The following CXCL13 variants were observed in gnomAD, a reference collection of about 807,000 sequenced individuals.
CXCL13 encodes the protein C-X-C motif chemokine ligand 13.
In CXCL13, 7 loss-of-function variants were observed where a neutral mutation model predicts 12.2. That is an observed-to-expected ratio of 0.57 (90% CI 0.33 to 1.07). The LOEUF (loss-of-function observed/expected upper bound fraction) is 1.07. CXCL13 is among the 50% of genes least tolerant of loss of function. The pLI, the probability that CXCL13 is intolerant of heterozygous loss-of-function variation, is 0.04. For missense variants in CXCL13, 113 were observed against 127.4 expected (o/e 0.89, Z 0.55); for synonymous variants, 47 against 42.4 (o/e 1.11, Z -0.42).
intron 1 of CXCL13, among the ~76,000 whole-genome samples, chr4:77,590,901 A>T (rs1445580389): frequency 6.6e-6 from 1 of 152,216 alleles, no homozygotes; most frequent in African/African-American, 2.4e-5. Flanking sequence ...ATTTATTGAG[A>T]TGGAGTCTCA....
rs535227074 is a variant in CXCL13 at position 77,534,292 on chromosome 4, A to T, written c.-43+22504A>T. Reference sequence around the variant, plus strand: ...ACTATGTTCACACAAAAACCTGCACATGGATGTTTCTAATAGCTTCATTTG... The same window carrying T: ...ACTATGTTCACACAAAAACCTGCACTTGGATGTTTCTAATAGCTTCATTTG... On this transcript the variant is annotated intron_variant, in intron 1 of 4. Coordinates refer to the CXCL13 transcript ENST00000286758. Among the ~76,000 whole-genome samples the T allele has an allele frequency of 2.0e-5, 3 of 152,342 alleles. No individual in the cohort carries two copies. The East Asian group carries it at 5.8e-4, about 29-fold the overall frequency.
upstream of CXCL13, among the ~76,000 whole-genome samples, chr4:77,601,601 A>G (rs1212522950): frequency 6.6e-6 from 1 of 152,240 alleles, no homozygotes; most frequent in African/African-American, 2.4e-5. Flanking sequence ...CTATGTGCCT[A>G]CTGGAAACCT....
upstream of CXCL13, among the ~76,000 whole-genome samples, chr4:77,601,318 A>G (rs1012802436): frequency 1.3e-4 from 20 of 152,232 alleles, no homozygotes; most frequent in African/African-American, 3.9e-4. Flanking sequence ...TGCACTGTCC[A>G]AACTCATCCA....
intron 1 of CXCL13, among the ~76,000 whole-genome samples, chr4:77,542,895 G>A (rs766533706): frequency 2.6e-5 from 4 of 152,120 alleles, no homozygotes; most frequent in Non-Finnish European, 4.4e-5. Flanking sequence ...AGTTAGGAAG[G>A]AATCTCTCCT....
intron 1 of CXCL13, among the ~76,000 whole-genome samples, chr4:77,515,819 C>T (rs996508170): frequency 3.3e-5 from 5 of 152,194 alleles, no homozygotes; most frequent in African/African-American, 4.8e-5. Context: ...TGACTAATTG[C>T]CCTGGCCAGA....
chr4:77,549,906 G>A lies in CXCL13; in HGVS notation c.-43+38118G>A, dbSNP rs139976863. Reference sequence around the variant, plus strand: ...GACTGGGACGTTTAAGTCTGCAGAAGTTTCTGTTGCCTTTTATTCAGCTAT... The same window carrying A: ...GACTGGGACGTTTAAGTCTGCAGAAATTTCTGTTGCCTTTTATTCAGCTAT... On this transcript the variant is annotated intron_variant, in intron 1 of 4. Transcript: ENST00000286758. Among the ~76,000 whole-genome samples the A allele has an allele frequency of 7.6e-3, 1,163 of 152,340 alleles. 22 individuals are homozygous for A. The highest frequency in any genetic ancestry group is 0.027 in the East Asian group (142 of 5,182).
chr4:77,517,769 A>T (rs1724466350), intron 1 of CXCL13, among the ~76,000 whole-genome samples: 1 of 152,140 alleles, frequency 6.6e-6, no homozygotes, highest in South Asian at 2.1e-4. Context: ...CCAATTTGCC[A>T]GTCTGTGTCT....
chr4:77,548,178 A>G (rs1471860142), intron 1 of CXCL13, among the ~76,000 whole-genome samples: 2 of 152,248 alleles, frequency 1.3e-5, no homozygotes, highest in African/African-American at 4.8e-5. Flanking sequence ...TTAGAGTAGC[A>G]TAATATTCAG....
At chr4:77,528,425 C>A (rs1369798614) in intron 1 of CXCL13, among the ~76,000 whole-genome samples, 1 of 152,198 alleles carries the variant, frequency 6.6e-6, no homozygotes, top group African/African-American at 2.4e-5. Context: ...TTCTCCACAT[C>A]TTCTCCAGCA....
intron 1 of CXCL13, among the ~76,000 whole-genome samples, chr4:77,554,139 T>G (rs1725600776): frequency 6.6e-6 from 1 of 152,210 alleles, no homozygotes. Flanking sequence ...GAAGTTATTC[T>G]CTTTCTCCAC....
At chr4:77,536,501 C>T (rs897395417) in intron 1 of CXCL13, among the ~76,000 whole-genome samples, 1 of 152,074 alleles carries the variant, frequency 6.6e-6, no homozygotes, top group Admixed American at 6.6e-5. Flanking sequence ...TTGGGTAGCT[C>T]CCTTATCCTC....
At chr4:77,610,116 A>G (rs1000792425) in intron 2 of CXCL13, among the ~76,000 whole-genome samples, 1 of 152,222 alleles carries the variant, frequency 6.6e-6, no homozygotes, top group Non-Finnish European at 1.5e-5. Context: ...GACAAAATGC[A>G]GATGTCACTC....
chr4:77,610,588 A>G, intron 2 of CXCL13, 26 bp from the exon 3 acceptor site: 1 of 1,541,688 alleles, frequency 6.5e-7, no homozygotes, highest in Non-Finnish European at 9.0e-7. Flanking sequence ...GTAAGACTGA[A>G]TTATTTAATT....
At chr4:77,523,066 G>A (rs1724656306) in intron 1 of CXCL13, among the ~76,000 whole-genome samples, 1 of 152,182 alleles carries the variant, frequency 6.6e-6, no homozygotes, top group African/African-American at 2.4e-5. Flanking sequence ...TAGAGTTTCT[G>A]CTGAGAGATC....
chr4:77,558,702 T>TG (rs1289087485), intron 1 of CXCL13, among the ~76,000 whole-genome samples: 1 of 152,138 alleles, frequency 6.6e-6, no homozygotes, highest in African/African-American at 2.4e-5. Flanking sequence ...ATTCAAGATA[T>TG]GGGGGGCATC....
intron 1 of CXCL13, among the ~76,000 whole-genome samples, chr4:77,529,906 G>A (rs1424206695): frequency 6.6e-6 from 1 of 152,206 alleles, no homozygotes; most frequent in East Asian, 1.9e-4. Flanking sequence ...GATATTGGTT[G>A]TGAGTTTGTC....
intron 1 of CXCL13, among the ~76,000 whole-genome samples, chr4:77,554,919 C>T (rs974062925): frequency 2.6e-5 from 4 of 151,758 alleles, no homozygotes; most frequent in Non-Finnish European, 4.4e-5. Flanking sequence ...TTGTAGGATA[C>T]AGCTGAAGCA....
At chr4:77,577,274 C>T (rs1431648464) in intron 1 of CXCL13, among the ~76,000 whole-genome samples, 1 of 152,112 alleles carries the variant, frequency 6.6e-6, no homozygotes, top group Non-Finnish European at 1.5e-5. Context: ...CACAGGTTGT[C>T]CTTTAACCTG....
chr4:77,556,595 T>G (rs1308112320), intron 1 of CXCL13, among the ~76,000 whole-genome samples: 4 of 152,212 alleles, frequency 2.6e-5, no homozygotes, highest in Non-Finnish European at 1.5e-5. Flanking sequence ...GTATGTATAT[T>G]AAACCTCATT....
Sources: gnomAD v4.1 joint callset for allele counts (sites outside exome capture counted in the v4.1 genomes callset) on GRCh38, gnomAD v4.1.1 for gene constraint, MANE v1.5 for transcripts, NCBI Gene and HGNC (gene_info 2026-07-23, HGNC 2026-07-21) for gene names.